CBL: variants seen among roughly 807,000 people sequenced by gnomAD.
CBL encodes Cbl proto-oncogene.
CBL carries 45 observed loss-of-function variants against 96.9 expected under a neutral mutation model. That is an observed-to-expected ratio of 0.46 (90% confidence interval 0.37 to 0.60). CBL has a LOEUF of 0.60. CBL is among the 20% of genes least tolerant of loss of function. The pLI is 0.00. For missense variants in CBL, 1,024 were observed against 1,143.5 expected, an observed-to-expected ratio of 0.90 and a Z score of 1.51; for synonymous variants, 420 against 426.8, an observed-to-expected ratio of 0.98 and a Z score of 0.20.
chr11:119,298,445 C>T lies in CBL; in HGVS notation c.2339C>T (p.Pro780Leu), dbSNP rs1401610037. 1.9e-6 allele frequency: 3 copies of T among 1,614,070 alleles called. No homozygotes were observed. The highest frequency in any genetic ancestry group is 4.5e-5 in the East Asian group (2 of 44,894). Residue 780 changes from proline (P) to leucine (L), a missense_variant, in exon 15 of 16, where the codon CCT (proline) becomes CTT (leucine). By Grantham distance (98) the Pro-to-Leu change is moderately conservative (BLOSUM62 -3). Transcript: ENST00000264033. ...EDDGYDVPKP[P>L]VPAVLARRTL... ...GATGGGTATGATGTCCCAAAGCCAC[C>T]TGTGCCGGCCGTGCTGGCCCGCCGA...
At chr11:119,253,369 G>A (rs909609047) in intron 2 of CBL, among the ~76,000 whole-genome samples, 10 of 147,610 alleles carry the variant, frequency 6.8e-5, no homozygotes, top group Non-Finnish European at 1.3e-4. Context: ...TGTAGTCCCA[G>A]CTATTCAGGA....
rs768067900 is a variant in CBL, at chr11:119,278,512, A to G, written c.1230A>G (p.Glu410=). ...MCTSCLTSWQ[E]SEGQGCPFCR... ...ACTATCTTTTGCTTCTTCTGCAGGA[A>G]TCAGAAGGTCAGGGCTGTCCTTTCT... Residue 410 remains glutamate (E), a splice_region_variant and synonymous_variant, in exon 9 of 16, where the codon GAA becomes GAG. Coordinates refer to ENST00000264033, the MANE Select transcript of CBL (RefSeq NM_005188.4). The G allele has an allele frequency of 1.9e-6, 3 of 1,613,244 alleles. No individual in the cohort carries two copies. Among genetic ancestry groups the G allele is most frequent in the Non-Finnish European group, 2.5e-6 (3 of 1,179,160 alleles).
At chr11:119,246,351 G>C (rs7129276) in intron 2 of CBL, among the ~76,000 whole-genome samples, 34,013 of 152,038 alleles carry the variant, frequency 0.22, 4,096 homozygotes, top group East Asian at 0.39. Flanking sequence ...GTTACAGTGT[G>C]ATATTTTGGT....
intron 2 of CBL, among the ~76,000 whole-genome samples, chr11:119,270,432 A>ATT (rs1565869996): frequency 7.7e-5 from 4 of 52,286 alleles, no homozygotes; most frequent in Non-Finnish European, 1.3e-4. Context: ...ATATATATAT[A>ATT]TATATTTTTT....
intron 2 of CBL, among the ~76,000 whole-genome samples, chr11:119,240,299 A>T (rs1294145051): frequency 1.4e-5 from 2 of 146,346 alleles, no homozygotes; most frequent in African/African-American, 5.0e-5. Context: ...GTTACCAATT[A>T]AAAAAAAAAA....
At chr11:119,269,282 T>G (rs985994852) in intron 2 of CBL, among the ~76,000 whole-genome samples, 2 of 147,728 alleles carry the variant, frequency 1.4e-5, no homozygotes, top group East Asian at 4.0e-4. Flanking sequence ...AGTCTCACTC[T>G]GTCGTCCAGG....
chr11:119,298,606 G>C (rs1433962005), intron 15 of CBL, 66 bp downstream of exon 15: 2 of 1,381,556 alleles, frequency 1.4e-6, no homozygotes, highest in African/African-American at 2.8e-5. Flanking sequence ...TATATTGAAA[G>C]GGAGATGACC....
chr11:119,226,549 C>A (rs1419425464), intron 1 of CBL, among the ~76,000 whole-genome samples: 2 of 151,972 alleles, frequency 1.3e-5, no homozygotes, highest in Non-Finnish European at 2.9e-5. Flanking sequence ...CCTCCTCCTT[C>A]TGGGTTCAAG....
intron 1 of CBL, among the ~76,000 whole-genome samples, chr11:119,211,704 A>G (rs1055205311): frequency 3.3e-5 from 5 of 151,886 alleles, no homozygotes; most frequent in East Asian, 2.0e-4. Context: ...AGGTTTTGCC[A>G]TGTTGGCTAG....
chr11:119,264,508 G>C (rs547876222), intron 2 of CBL, among the ~76,000 whole-genome samples: 1 of 146,082 alleles, frequency 6.8e-6, no homozygotes, highest in East Asian at 2.0e-4. Flanking sequence ...TTGAGACAGG[G>C]TCTGTCTCTG....
At chr11:119,288,241 T>C (rs1949999533) in intron 12 of CBL, among the ~76,000 whole-genome samples, 1 of 152,212 alleles carries the variant, frequency 6.6e-6, no homozygotes, top group Admixed American at 6.5e-5. Context: ...CCAGCTTTCT[T>C]TAAGTTTAAT....
chr11:119,207,764 C>T (rs1038870747), intron 1 of CBL, among the ~76,000 whole-genome samples: 2 of 152,058 alleles, frequency 1.3e-5, no homozygotes, highest in African/African-American at 4.8e-5. Context: ...AAGTATCTGG[C>T]ACGTTTTAAG....
intron 2 of CBL, among the ~76,000 whole-genome samples, chr11:119,251,181 A>G (rs1009924548): frequency 6.6e-6 from 1 of 152,108 alleles, no homozygotes; most frequent in Non-Finnish European, 1.5e-5. Flanking sequence ...CTACCTCACT[A>G]TACACGTTAG....
intron 12 of CBL, among the ~76,000 whole-genome samples, chr11:119,289,195 A>C (rs986126937): frequency 2.0e-5 from 3 of 152,198 alleles, no homozygotes; most frequent in Non-Finnish European, 4.4e-5. Context: ...AATGAGGTCA[A>C]GTTTGTTAAT....
chr11:119,223,574 C>A (rs1051012409), intron 1 of CBL, among the ~76,000 whole-genome samples: 2 of 151,130 alleles, frequency 1.3e-5, no homozygotes, highest in Admixed American at 6.6e-5. Context: ...GGACTACAGG[C>A]GCCCGCCACC....
At chr11:119,223,049 G>C (rs182594505) in intron 1 of CBL, among the ~76,000 whole-genome samples, 1 of 151,944 alleles carries the variant, frequency 6.6e-6, no homozygotes, top group African/African-American at 2.4e-5. Context: ...GTGTGGTGGC[G>C]TGTACCTGTA....
intron 12 of CBL, among the ~76,000 whole-genome samples, chr11:119,289,240 T>G (rs1041893142): frequency 6.6e-6 from 1 of 152,222 alleles, no homozygotes; most frequent in African/African-American, 2.4e-5. Context: ...GAATCTTTTT[T>G]AAAATTTCTC....
intron 2 of CBL, among the ~76,000 whole-genome samples, chr11:119,250,920 C>G (rs944473768): frequency 1.3e-5 from 2 of 152,166 alleles, no homozygotes; most frequent in African/African-American, 4.8e-5. Flanking sequence ...CACTGCACTA[C>G]AGCCTGGGTA....
chr11:119,228,911 A>G (rs1432798730), intron 1 of CBL, among the ~76,000 whole-genome samples: 1 of 151,736 alleles, frequency 6.6e-6, no homozygotes, highest in Non-Finnish European at 1.5e-5. Context: ...CCCGGGTTCA[A>G]GTGATTCTCC....
Sources: allele counts gnomAD v4.1 joint callset (sites outside exome capture counted in the v4.1 genomes callset), GRCh38; gene constraint gnomAD v4.1.1; transcripts MANE v1.5; gene names NCBI Gene and HGNC (gene_info 2026-07-23, HGNC 2026-07-21).